Variants in ARAP2 observed in about 807,000 individuals in gnomAD.
ARAP2 encodes the protein arf-GAP with Rho-GAP domain, ANK repeat and PH domain-containing protein 2.
A neutral mutation model predicts 194.5 loss-of-function variants in ARAP2; 148 were observed. The observed-to-expected ratio is 0.76, with a 90% CI of 0.67 to 0.87. ARAP2 has a LOEUF of 0.87. Ranked by LOEUF, ARAP2 falls within the 40% of genes least tolerant of loss-of-function variation. The probability of loss-of-function intolerance (pLI) is 0.00; values close to 1 mark genes in which losing one functional copy is unlikely to be tolerated. For synonymous variants in ARAP2, 695 were observed against 683.5 expected (o/e 1.02, Z -0.26); for missense variants, 2,128 against 1,989.7 (o/e 1.07, Z -1.32).
At chr4:36,026,025 C>T (rs1717848962) in intron 5 of ARAP2, among the ~76,000 whole-genome samples, 1 of 152,004 alleles carries the variant, frequency 6.6e-6, no homozygotes, top group South Asian at 2.1e-4. Flanking sequence ...TGAAGGAAAA[C>T]AACAATTTAG....
intron 28 of ARAP2, among the ~76,000 whole-genome samples, chr4:36,088,739 T>C (rs537488960): frequency 6.6e-6 from 1 of 152,168 alleles, no homozygotes; most frequent in South Asian, 2.1e-4. Context: ...ACAGAGAAAG[T>C]AATTAAAGCA....
intron 11 of ARAP2, 117 bp downstream of exon 11, chr4:36,164,797 C>A (rs1734886493): frequency 1.0e-6 from 1 of 969,218 alleles, no homozygotes; most frequent in Non-Finnish European, 1.5e-6. Context: ...ATGTAATAAG[C>A]TTTCTCTGGT....
At chr4:36,148,287 G>T in intron 17 of ARAP2, 118 bp downstream of exon 17, 1 of 691,544 alleles carries the variant, frequency 1.4e-6, no homozygotes. Flanking sequence ...ATCTAATGAA[G>T]TATGAACTTT....
chr4:36,228,940 T>C lies in ARAP2; in HGVS notation c.547A>G (p.Thr183Ala), dbSNP rs781676388. The C allele has an allele frequency of 3.0e-5, 48 of 1,613,946 alleles. No homozygotes were observed. The highest frequency in any genetic ancestry group is 4.0e-5 in the Non-Finnish European group (47 of 1,179,978). Reference protein sequence around the residue: ...SDNIKIESLITKKTVDHTVEE... With the variant: ...SDNIKIESLIAKKTVDHTVEE... Reference sequence around the variant, plus strand: ...ACTGTGTGATCCACAGTCTTCTTTGTAATCAATGATTCTATTTTAATATTG... The same window carrying C: ...ACTGTGTGATCCACAGTCTTCTTTGCAATCAATGATTCTATTTTAATATTG... Residue 183 changes from threonine (T) to alanine (A), a missense_variant, in exon 2 of 33, where the codon ACA (threonine) becomes GCA (alanine). Physicochemically the swap from Thr to Ala is moderately conservative, Grantham distance 58 (BLOSUM62 0). Transcript: ENST00000303965.
At chr4:36,141,190 C>G (rs1171738285) in intron 19 of ARAP2, among the ~76,000 whole-genome samples, 1 of 151,570 alleles carries the variant, frequency 6.6e-6, no homozygotes, top group Non-Finnish European at 1.5e-5. Flanking sequence ...TGCCTTCTGC[C>G]TTCCTGGTCT....
intron 13 of ARAP2, 94 bp downstream of exon 13, chr4:36,160,365 G>T: frequency 1.6e-6 from 2 of 1,285,338 alleles, no homozygotes; most frequent in Non-Finnish European, 2.0e-6. Flanking sequence ...AATTTTGTCA[G>T]ATAGTATAAA....
At chr4:36,057,250 G>A (rs1284024717) in intron 2 of ARAP2, among the ~76,000 whole-genome samples, 1 of 148,710 alleles carries the variant, frequency 6.7e-6, no homozygotes, top group Non-Finnish European at 1.5e-5. Flanking sequence ...TCATTGTATT[G>A]TTATTACTCT....
chr4:36,128,726 G>T lies in ARAP2; in HGVS notation c.3447C>A (p.Ile1149=). The T allele has an allele frequency of 1.2e-6, 2 of 1,604,674 alleles. No homozygotes were observed. Among genetic ancestry groups the T allele is most frequent in the East Asian group, 4.5e-5 (2 of 44,426 alleles). The change falls in exon 21 of 33, where the codon ATC becomes ATA. Residue 1149 remains isoleucine (I), a synonymous_variant. Transcript: ENST00000303965. ...VTQYGLGCKY[I]YQKNGDPLHI... ...GCAAAGGATCACCATTCTTTTGATA[G>T]ATATATTTGCATCCTAAACCTTTGT...
At chr4:36,200,827 A>G (rs976094666) in intron 6 of ARAP2, among the ~76,000 whole-genome samples, 1 of 152,202 alleles carries the variant, frequency 6.6e-6, no homozygotes, top group African/African-American at 2.4e-5. Flanking sequence ...TACATACACT[A>G]TAAGAATTTG....
intron 8 of ARAP2, among the ~76,000 whole-genome samples, chr4:36,180,194 C>T (rs1738904544): frequency 6.6e-6 from 1 of 152,104 alleles, no homozygotes; most frequent in African/African-American, 2.4e-5. Flanking sequence ...ATAGCTTGAA[C>T]CTGGGAGACT....
At chr4:36,183,393 T>A (rs1739743104) in intron 8 of ARAP2, among the ~76,000 whole-genome samples, 1 of 152,254 alleles carries the variant, frequency 6.6e-6, no homozygotes, top group African/African-American at 2.4e-5. Context: ...CACACGTGCA[T>A]GTTTCCCACG....
intron 28 of ARAP2, 52 bp from the exon 29 acceptor site, chr4:36,083,502 C>T (rs1730101683): frequency 3.1e-6 from 4 of 1,287,566 alleles, no homozygotes; most frequent in African/African-American, 1.5e-5. Flanking sequence ...CATTTCCTTA[C>T]ATTTTCTTTG....
chr4:36,060,368 C>T (rs1057246833), intron 1 of ARAP2, among the ~76,000 whole-genome samples: 16 of 152,006 alleles, frequency 1.1e-4, no homozygotes, highest in African/African-American at 3.9e-4. Flanking sequence ...GAATTTTATT[C>T]TATATTATTT....
At chr4:36,223,522 T>G (rs546227850) in intron 2 of ARAP2, among the ~76,000 whole-genome samples, 1 of 152,256 alleles carries the variant, frequency 6.6e-6, no homozygotes, top group East Asian at 1.9e-4. Context: ...TTAACAAATT[T>G]CTATGCAAGT....
chr4:36,147,421 G>C (rs1202395819), intron 18 of ARAP2, 62 bp from the exon 19 acceptor site: 3 of 1,583,802 alleles, frequency 1.9e-6, no homozygotes, highest in Non-Finnish European at 2.6e-6. Context: ...CACCCATGAA[G>C]ACACAAATAT....
intron 20 of ARAP2, among the ~76,000 whole-genome samples, chr4:36,129,298 C>T (rs13142416): frequency 0.33 from 50,223 of 151,714 alleles, 9,089 homozygotes; most frequent in Non-Finnish European, 0.42. Context: ...ATTCAAACCC[C>T]AAAAGCATCC....
chr4:36,193,582 T>A lies in ARAP2; in HGVS notation c.1553A>T (p.Glu518Val). Reference sequence around the variant, plus strand: ...AAAACTGTAAAATGTATTTACCTTCTCATTATTGTAGTAAGAAATGCTAAG... The same window carrying A: ...AAAACTGTAAAATGTATTTACCTTCACATTATTGTAGTAAGAAATGCTAAG... ...DGLSISYYNNEKEMYSKGIIP... is the reference protein window; with the variant it reads ...DGLSISYYNNVKEMYSKGIIP... Residue 518 changes from glutamate (E) to valine (V), a missense_variant, in exon 7 of 33, where the codon GAG becomes GTG. By Grantham distance (121) the Glu-to-Val change is moderately radical (BLOSUM62 -2). Coordinates refer to ENST00000303965, the MANE Select transcript of ARAP2 (RefSeq NM_015230.4). 1 of 1,583,382 alleles carries A rather than the reference T, an allele frequency of 6.3e-7. No individual in the cohort carries two copies. The highest frequency in any genetic ancestry group is 8.6e-7 in the Non-Finnish European group (1 of 1,166,394).
At chr4:36,173,390 TC>T (rs1737090666) in intron 9 of ARAP2, among the ~76,000 whole-genome samples, 2 of 152,106 alleles carry the variant, frequency 1.3e-5, no homozygotes, top group African/African-American at 4.8e-5. Flanking sequence ...TATACACCTA[TC>T]ATTTAAAGAT....
chr4:36,047,221 G>A (rs895443445), intron 3 of ARAP2: 2 of 152,268 alleles, frequency 1.3e-5, no homozygotes, highest in Non-Finnish European at 2.9e-5. Context: ...ACGCATATAA[G>A]CACACTCCAA....
Sources: allele counts gnomAD v4.1 joint callset (sites outside exome capture counted in the v4.1 genomes callset), GRCh38; gene constraint gnomAD v4.1.1; transcripts MANE v1.5; gene names NCBI Gene and HGNC (gene_info 2026-07-23, HGNC 2026-07-21).